CHMP4B: variants seen among roughly 807,000 people sequenced by gnomAD.
CHMP4B encodes SNF7 homolog associated with Alix 1.
In CHMP4B, 1 loss-of-function variant was observed where a neutral mutation model predicts 25.1. The observed-to-expected ratio is 0.04, with a 90% CI of 0.01 to 0.19. CHMP4B has a LOEUF of 0.19. CHMP4B is among the 10% of genes least tolerant of loss of function. The probability of loss-of-function intolerance (pLI) is 1.00; values close to 1 mark genes in which losing one functional copy is unlikely to be tolerated. For synonymous variants in CHMP4B, 101 were observed against 115.6 expected (o/e 0.87, Z 0.81); for missense variants, 151 against 289.7 (o/e 0.52, Z 3.48).
intron 1 of CHMP4B, among the ~76,000 whole-genome samples, chr20:33,812,632 TGTGAGA>T (rs1248054495): frequency 6.6e-6 from 1 of 152,230 alleles, no homozygotes; most frequent in Non-Finnish European, 1.5e-5. Context: ...GTTATGGCCA[TGTGAGA>T]GTGAATCACA....
intron 1 of CHMP4B, among the ~76,000 whole-genome samples, chr20:33,843,404 T>C (rs570403197): frequency 6.6e-6 from 1 of 152,348 alleles, no homozygotes; most frequent in African/African-American, 2.4e-5. Flanking sequence ...TAGATTTCAA[T>C]TGTTAAAGCC....
intron 1 of CHMP4B, among the ~76,000 whole-genome samples, chr20:33,834,905 C>T (rs1405434415): frequency 1.3e-5 from 2 of 152,092 alleles, no homozygotes; most frequent in African/African-American, 2.4e-5. Flanking sequence ...TGGGTTCAAG[C>T]GATTCTCCTA....
Position 33,843,904 on chromosome 20 carries a change from T to A in CHMP4B, c.191-4563T>A, listed in dbSNP as rs150493485. ...TTTACTCATGAAGCATGTTTAGGTG[T>A]TTCTGTGGGGGAAAATTAATCATGT... On this transcript the variant is annotated intron_variant, in intron 1 of 4. Transcript: ENST00000217402. 1.4e-3 allele frequency among the ~76,000 whole-genome samples: 213 copies of A among 152,310 alleles called. 1 individual carries two copies. The highest frequency in any genetic ancestry group is 0.01 in the Middle Eastern group (3 of 294).
chr20:33,845,514 G>T (rs1184412082), intron 1 of CHMP4B, among the ~76,000 whole-genome samples: 6 of 152,120 alleles, frequency 3.9e-5, no homozygotes, highest in Non-Finnish European at 8.8e-5. Context: ...GTAGAGATGG[G>T]GTTTCACCAT....
intron 1 of CHMP4B, among the ~76,000 whole-genome samples, chr20:33,839,909 A>G (rs978269081): frequency 1.3e-5 from 2 of 152,224 alleles, no homozygotes; most frequent in Non-Finnish European, 1.5e-5. Flanking sequence ...TACCTACCTC[A>G]TAGATAGGTT....
chr20:33,831,461 C>T (rs1428411927), intron 1 of CHMP4B, among the ~76,000 whole-genome samples: 1 of 152,256 alleles, frequency 6.6e-6, no homozygotes, highest in East Asian at 1.9e-4. Flanking sequence ...AACTCCTGAC[C>T]TCAAGTGATC....
intron 3 of CHMP4B, 137 bp from the exon 4 acceptor site, chr20:33,851,940 C>A: frequency 9.0e-7 from 1 of 1,112,356 alleles, no homozygotes. Context: ...ATCACAGGGT[C>A]TGGAACCTGG....
intron 1 of CHMP4B, among the ~76,000 whole-genome samples, chr20:33,824,422 A>G (rs1002118548): frequency 6.6e-6 from 1 of 152,164 alleles, no homozygotes; most frequent in African/African-American, 2.4e-5. Context: ...TGAGGAGCAC[A>G]AGGTTGGGGT....
chr20:33,812,608 G>GTTTGCTT (rs1233267220), intron 1 of CHMP4B, among the ~76,000 whole-genome samples: 5 of 152,214 alleles, frequency 3.3e-5, no homozygotes, highest in Non-Finnish European at 7.3e-5. Context: ...GTTTAGAAAT[G>GTTTGCTT]TTTGCTTTTT....
chr20:33,829,396 C>A (rs1169950649), intron 1 of CHMP4B, among the ~76,000 whole-genome samples: 1 of 152,156 alleles, frequency 6.6e-6, no homozygotes, highest in Non-Finnish European at 1.5e-5. Context: ...TTGCCTTTCC[C>A]TTGGGAAGCA....
At chr20:33,838,194 G>A (rs1340447629) in intron 1 of CHMP4B, among the ~76,000 whole-genome samples, 1 of 152,216 alleles carries the variant, frequency 6.6e-6, no homozygotes, top group Non-Finnish European at 1.5e-5. Flanking sequence ...GAACCTTTAT[G>A]ACATCAGTTG....
At chr20:33,838,087 T>C (rs1032348445) in intron 1 of CHMP4B, among the ~76,000 whole-genome samples, 1 of 152,248 alleles carries the variant, frequency 6.6e-6, no homozygotes, top group African/African-American at 2.4e-5. Flanking sequence ...GGACCCGTGT[T>C]GCAGGTTGTG....
intron 1 of CHMP4B, among the ~76,000 whole-genome samples, chr20:33,842,476 A>G (rs747725551): frequency 2.2e-4 from 34 of 152,342 alleles, no homozygotes; most frequent in Non-Finnish European, 4.7e-4. Flanking sequence ...CACTGGCAGA[A>G]TGAGCCAGGA....
rs528181194 is a variant in CHMP4B, at chr20:33,828,268, C to T, written c.190+16610C>T. ...GTTAGGTGACCTGTTAAAAGTAATA[C>T]AGCTCATTGAAGGGAAAGCTGGGAC... On this transcript the variant is annotated intron_variant, in intron 1 of 4. Transcript: ENST00000217402. 2.6e-5 allele frequency among the ~76,000 whole-genome samples: 4 copies of T among 152,202 alleles called. No homozygotes were observed. In the South Asian group the frequency reaches 6.2e-4, roughly 24 times the overall value.
rs754430023 is a variant in CHMP4B at position 33,820,676 on chromosome 20, G to C, written c.190+9018G>C. Among the ~76,000 whole-genome samples, 39 of 152,154 alleles carry C rather than the reference G, an allele frequency of 2.6e-4. 1 individual carries two copies. Among genetic ancestry groups the C allele is most frequent in the Admixed American group, 1.2e-3 (19 of 15,274 alleles). On this transcript the variant is annotated intron_variant, in intron 1 of 4. Coordinates refer to ENST00000217402, the MANE Select transcript of CHMP4B (RefSeq NM_176812.5). ...GAGGGAACTGGAACAACTTCATTGT[G>C]GGGGGTGGGGGACTTCAATTTATGT...
intron 1 of CHMP4B, among the ~76,000 whole-genome samples, chr20:33,834,120 C>A (rs761685585): frequency 1.3e-5 from 2 of 152,114 alleles, no homozygotes; most frequent in African/African-American, 4.8e-5. Flanking sequence ...TTATCATTCT[C>A]GATACCAGTA....
chr20:33,821,805 C>CTTTCT (rs1211458071), intron 1 of CHMP4B, among the ~76,000 whole-genome samples: 1 of 151,870 alleles, frequency 6.6e-6, no homozygotes, highest in Non-Finnish European at 1.5e-5. Flanking sequence ...TTGCTATTTT[C>CTTTCT]TTTCTTTTCT....
In CHMP4B at chr20:33,811,400, CG is replaced by C; in HGVS notation, c.-68del. On this transcript the variant is annotated 5_prime_UTR_variant, in exon 1 of 5. Transcript: ENST00000217402. ...CGGGACTGGGAGCGGGCGCCGGAGC[CG>C]ACCCGAGCCGAGCCGAGCCGAGCCG... 1 of 1,281,048 alleles carries C rather than the reference CG, an allele frequency of 7.8e-7. No homozygotes were observed. The highest frequency in any genetic ancestry group is 1.0e-6 in the Non-Finnish European group (1 of 1,004,850). The allele number at this position is 1,281,048 out of a possible 1,614,324, so 79.4% of individuals were successfully genotyped here.
chr20:33,827,995 AG>A (rs745353018), intron 1 of CHMP4B, among the ~76,000 whole-genome samples: 1 of 152,340 alleles, frequency 6.6e-6, no homozygotes, highest in East Asian at 1.9e-4. Flanking sequence ...TTTTCTGCAA[AG>A]GCCTCATGCT....
Sources: allele counts gnomAD v4.1 joint callset (sites outside exome capture counted in the v4.1 genomes callset), GRCh38; gene constraint gnomAD v4.1.1; transcripts MANE v1.5; gene names NCBI Gene and HGNC (gene_info 2026-07-23, HGNC 2026-07-21).